Variants in MACF1 observed in about 807,000 individuals in gnomAD.
MACF1 encodes microtubule actin crosslinking factor 1, also known as microtubule-actin cross-linking factor 1.
MACF1 carries 193 observed loss-of-function variants against 854.8 expected under a neutral mutation model. The observed-to-expected ratio is 0.23, with a 90% confidence interval of 0.20 to 0.25. The LOEUF is 0.25. Ranked by LOEUF, MACF1 falls within the 10% of genes least tolerant of loss-of-function variation. The probability of loss-of-function intolerance (pLI) is 1.00; values close to 1 mark genes in which losing one functional copy is unlikely to be tolerated. For synonymous variants in MACF1, 3,185 were observed against 3,226.7 expected (o/e 0.99, Z 0.44); for missense variants, 7,722 against 8,929.1 (o/e 0.86, Z 5.45).
chr1:39,318,677 G>T (rs532363993), intron 30 of MACF1, 62 bp downstream of exon 30: 46 of 1,460,074 alleles, frequency 3.2e-5, no homozygotes, highest in Middle Eastern at 4.1e-4. Flanking sequence ...TATCATAAAA[G>T]AAAATGATGT....
At chr1:39,380,497 G>A (rs1650083590) in intron 55 of MACF1, 124 bp downstream of exon 55, 2 of 955,566 alleles carry the variant, frequency 2.1e-6, no homozygotes, top group Non-Finnish European at 3.0e-6. Flanking sequence ...AAGCAATTAG[G>A]ATCCAGATAG....
At position 39,324,999 on chromosome 1, in the gene MACF1, G is replaced by A. The variant is rs75008477; in HGVS notation, c.4478+265G>A. Among the ~76,000 whole-genome samples, 1,363 of 152,252 alleles carry A rather than the reference G, an allele frequency of 9.0e-3. 12 individuals carry two copies. The highest frequency in any genetic ancestry group is 0.014 in the Non-Finnish European group (957 of 68,022). ...CATGTGGTGAGAATAGAGGCTGAGAGGCCTGTTAAGAGGCTATTCTGATAA... is the reference window on the plus strand; with the variant it reads ...CATGTGGTGAGAATAGAGGCTGAGAAGCCTGTTAAGAGGCTATTCTGATAA... On this transcript the variant is annotated intron_variant, in intron 35 of 100. Coordinates refer to ENST00000564288, the MANE Select transcript of MACF1 (RefSeq NM_001394062.1).
At position 39,292,824 on chromosome 1, in the gene MACF1, C is replaced by G. The variant is rs1468020683; in HGVS notation, c.1973C>G (p.Thr658Arg). The G allele has an allele frequency of 1.2e-6, 2 of 1,612,986 alleles. No individual in the cohort carries two copies. Among genetic ancestry groups the G allele is most frequent in the Non-Finnish European group, 1.7e-6 (2 of 1,179,612 alleles). Residue 658 changes from threonine to arginine, a missense_variant, in exon 17 of 101, where the codon ACA (threonine) becomes AGA (arginine). Around this residue, in one of 15 missense-constraint regions of MACF1, gnomAD observed 1,137 missense variants for 1,263.0 expected, o/e 0.90. Coordinates refer to ENST00000564288, the MANE Select transcript of MACF1 (RefSeq NM_001394062.1). Reference sequence around the variant, plus strand: ...GCTGAAACTCTTGGAAAGCTGGAGACACAGTATTGTAAATTGAAGGTGAGT... The same window carrying G: ...GCTGAAACTCTTGGAAAGCTGGAGAGACAGTATTGTAAATTGAAGGTGAGT... ...SYAETLGKLETQYCKLKETSS... is the reference protein window; with the variant it reads ...SYAETLGKLERQYCKLKETSS...
At chr1:39,250,895 T>C (rs886330486) in intron 3 of MACF1, among the ~76,000 whole-genome samples, 1 of 152,226 alleles carries the variant, frequency 6.6e-6, no homozygotes, top group African/African-American at 2.4e-5. Flanking sequence ...TGATTCCATA[T>C]GGTTCATACT....
intron 6 of MACF1, chr1:39,269,668 A>G (rs1031229745): frequency 8.5e-6 from 11 of 1,289,640 alleles, no homozygotes; most frequent in African/African-American, 1.5e-5. Context: ...TCAGAAGAGG[A>G]TGGCACTCTT....
chr1:39,482,977 T>C (rs1023478066), intron 99 of MACF1, among the ~76,000 whole-genome samples: 3 of 147,948 alleles, frequency 2.0e-5, no homozygotes, highest in African/African-American at 7.5e-5. Context: ...AGCCAGCCAC[T>C]AGGGAGGCTG....
chr1:39,465,403 A>T (rs1174834685), intron 95 of MACF1, among the ~76,000 whole-genome samples: 1 of 152,252 alleles, frequency 6.6e-6, no homozygotes, highest in African/African-American at 2.4e-5. Flanking sequence ...CTGTGTTAGA[A>T]GTCAGATTAC....
Position 39,337,206 on chromosome 1 carries a change from T to C in MACF1, c.10090T>C (p.Leu3364=), listed in dbSNP as rs921954668. 6.2e-7 allele frequency: 1 copy of C among 1,613,860 alleles called. No individual in the cohort carries two copies. The highest frequency in any genetic ancestry group is 8.5e-7 in the Non-Finnish European group (1 of 1,179,882). The part of the protein sequence containing the change: ...TQNVFTRQLC[L]EHDEKLVSYL... Reference sequence around the variant, plus strand: ...GAATGTATTTACCCGGCAACTCTGTTTAGAACATGATGAAAAGCTAGTATC... The same window carrying C: ...GAATGTATTTACCCGGCAACTCTGTCTAGAACATGATGAAAAGCTAGTATC... The change falls in exon 38 of 101, where the codon TTA becomes CTA. Residue 3364 remains leucine, a synonymous_variant. Transcript: ENST00000564288.
In MACF1 at chr1:39,282,229, G is replaced by A; in HGVS notation, c.550G>A (p.Gly184Arg). The change falls in exon 7 of 101, where the codon GGA (glycine) becomes AGA (arginine). Residue 184 changes from glycine to arginine, a missense_variant. Physicochemically the swap from Gly to Arg is moderately radical, Grantham distance 125. Coordinates refer to ENST00000564288, the MANE Select transcript of MACF1 (RefSeq NM_001394062.1). ...HFQISDIYIS[G>R]ESGDMSAKEK... ...GCAGATCTCTGACATCTACATTAGT[G>A]GAGAATCAGGGGATATGTCAGCCAA... 6.2e-7 allele frequency: 1 copy of A among 1,613,888 alleles called. No homozygotes were observed. The highest frequency in any genetic ancestry group is 8.5e-7 in the Non-Finnish European group (1 of 1,179,890).
At chr1:39,245,540 A>T (rs565000889) in intron 2 of MACF1, among the ~76,000 whole-genome samples, 1 of 152,214 alleles carries the variant, frequency 6.6e-6, no homozygotes, top group African/African-American at 2.4e-5. Context: ...CAGCCTCCCA[A>T]ATTGGTGGTA....
At chr1:39,339,011 G>T (rs189152946) in intron 38 of MACF1, among the ~76,000 whole-genome samples, 1 of 152,330 alleles carries the variant, frequency 6.6e-6, no homozygotes, top group Non-Finnish European at 1.5e-5. Context: ...AGTCACAGTG[G>T]CTCATGCCTA....
At chr1:39,235,622 T>C (rs1247205517) in intron 2 of MACF1, among the ~76,000 whole-genome samples, 1 of 152,234 alleles carries the variant, frequency 6.6e-6, no homozygotes, top group African/African-American at 2.4e-5. Flanking sequence ...ATATCGCTGC[T>C]TTTGTTCAGG....
At chr1:39,410,550 G>C (rs767925198) in intron 58 of MACF1, 4 of 1,614,062 alleles carry the variant, frequency 2.5e-6, no homozygotes, top group Non-Finnish European at 3.4e-6. Flanking sequence ...AGCTGGATGA[G>C]AGGATAATAT....
At chr1:39,144,644 A>T (rs369511514) in intron 2 of MACF1, among the ~76,000 whole-genome samples, 4 of 102,120 alleles carry the variant, frequency 3.9e-5, no homozygotes, top group African/African-American at 1.5e-4. Flanking sequence ...TCAGCGTGGC[A>T]TCAATTTTGG....
At chr1:39,457,585 A>C (rs968564678) in intron 89 of MACF1, 6 of 152,452 alleles carry the variant, frequency 3.9e-5, no homozygotes, top group African/African-American at 1.2e-4. Context: ...TCTCAGAATA[A>C]ATGGCCAACC....
At position 39,283,143 on chromosome 1, in the gene MACF1, G is replaced by A; in HGVS notation, c.696-46G>A. On this transcript the variant is annotated intron_variant, in intron 7 of 100. Coordinates refer to ENST00000564288, the MANE Select transcript of MACF1 (RefSeq NM_001394062.1). The surrounding 1 kb of genome is among the most constrained non-coding windows in gnomAD (Gnocchi z 4.5). ...GTTTTCTTTGTGTAAACTCATGTGTGATGTGTAGATGGTGGCGTTTCATGT... is the reference window on the plus strand; with the variant it reads ...GTTTTCTTTGTGTAAACTCATGTGTAATGTGTAGATGGTGGCGTTTCATGT... 1 of 1,168,614 alleles carries A rather than the reference G, an allele frequency of 8.6e-7. No homozygotes were observed. Among genetic ancestry groups the A allele is most frequent in the Non-Finnish European group, 1.3e-6 (1 of 776,966 alleles). 72.4% of individuals were successfully genotyped at this position (1,168,614 alleles called of 1,614,324 possible).
chr1:39,439,569 G>A (rs1182558209), intron 72 of MACF1, 69 bp downstream of exon 72: 2 of 1,278,958 alleles, frequency 1.6e-6, no homozygotes, highest in Admixed American at 2.0e-5. Flanking sequence ...TCAAATCAAA[G>A]TGAGGTATGT....
intron 4 of MACF1, among the ~76,000 whole-genome samples, chr1:39,253,368 A>G (rs1404046949): frequency 6.6e-6 from 1 of 152,138 alleles, no homozygotes; most frequent in Non-Finnish European, 1.5e-5. Context: ...GCTGGAGTAA[A>G]GGGTGCCCTT....
intron 40 of MACF1, among the ~76,000 whole-genome samples, chr1:39,341,647 A>G (rs2148485012): frequency 6.6e-6 from 1 of 151,928 alleles, no homozygotes; most frequent in Non-Finnish European, 1.5e-5. Flanking sequence ...GCAGTGAGCC[A>G]AGACCGCGCC....
Sources: gnomAD v4.1 joint callset for allele counts (sites outside exome capture counted in the v4.1 genomes callset) on GRCh38, gnomAD v4.1.1 for gene constraint, gnomAD v4.1.1 regional missense constraint, Gnocchi (gnomAD v3.1) non-coding constraint, MANE v1.5 for transcripts, NCBI Gene and HGNC (gene_info 2026-07-23, HGNC 2026-07-21) for gene names.